MYRFL: variants seen among roughly 807,000 people sequenced by gnomAD.
The protein encoded by MYRFL is myelin regulatory factor-like protein.
A neutral mutation model predicts 109.4 loss-of-function variants in MYRFL; 88 were observed. The ratio of observed to expected loss-of-function variants is 0.80; its 90% CI spans 0.68 to 0.96. The LOEUF is 0.96. Among genes scored for constraint, MYRFL ranks in the 40% least tolerant of loss-of-function variants. MYRFL has a pLI of 0.00. For synonymous variants in MYRFL, 324 were observed against 320.9 expected (o/e 1.01, Z -0.10); for missense variants, 957 against 954.9 (o/e 1.00, Z -0.03).
At chr12:69,835,698 A>T (rs1490855941) in intron 1 of MYRFL, among the ~76,000 whole-genome samples, 1 of 152,192 alleles carries the variant, frequency 6.6e-6, no homozygotes, top group African/African-American at 2.4e-5. Context: ...TCTATTGATA[A>T]GTCTCATGAA....
intron 2 of MYRFL, among the ~76,000 whole-genome samples, chr12:69,859,112 G>C (rs1884481784): frequency 6.6e-6 from 1 of 151,878 alleles, no homozygotes; most frequent in South Asian, 2.1e-4. Context: ...TTTGACTCAT[G>C]GGTTGCTGGA....
intron 5 of MYRFL, among the ~76,000 whole-genome samples, chr12:69,883,137 G>C (rs905773838): frequency 5.9e-5 from 9 of 152,188 alleles, no homozygotes; most frequent in Admixed American, 5.2e-4. Flanking sequence ...CCTCAATCTA[G>C]CATGAAGCGA....
At position 69,909,177 on chromosome 12, in the gene MYRFL, T is replaced by C. The variant is rs139884585; in HGVS notation, c.1384-792T>C. ...ATGAATGATGGCAGTAAGCTCAGAA[T>C]TATACTCTGGAATAACTTCCTGAAA... On this transcript the variant is annotated intron_variant, in intron 11 of 24. Transcript: ENST00000552032. Among the ~76,000 whole-genome samples, 731 of 152,326 alleles carry C rather than the reference T, an allele frequency of 4.8e-3. 4 individuals are homozygous for C. Among genetic ancestry groups the C allele is most frequent in the South Asian group, 6.4e-3 (31 of 4,824 alleles).
At chr12:69,957,677 G>C in intron 22 of MYRFL, 145 bp from the exon 23 acceptor site, 1 of 956,664 alleles carries the variant, frequency 1.0e-6, no homozygotes, top group Non-Finnish European at 1.5e-6. Context: ...GCATCGGTGA[G>C]CTTTGTGTGA....
intron 13 of MYRFL, among the ~76,000 whole-genome samples, chr12:69,914,797 C>A (rs1152977): frequency 6.6e-6 from 1 of 152,000 alleles, no homozygotes; most frequent in Non-Finnish European, 1.5e-5. Context: ...GCCAAGGCAG[C>A]ACTCAGTTTA....
chr12:69,881,749 A>G (rs2136333844), intron 5 of MYRFL, among the ~76,000 whole-genome samples: 1 of 152,274 alleles, frequency 6.6e-6, no homozygotes. Flanking sequence ...GCAGTTGTTC[A>G]CCATTTTTTT....
chr12:69,923,280 A>G (rs1049478263), intron 13 of MYRFL, among the ~76,000 whole-genome samples: 3 of 152,160 alleles, frequency 2.0e-5, no homozygotes, highest in Non-Finnish European at 4.4e-5. Context: ...GACATATCTT[A>G]CCCCAAATCT....
intron 2 of MYRFL, among the ~76,000 whole-genome samples, chr12:69,868,870 G>A (rs551427342): frequency 4.0e-5 from 6 of 151,860 alleles, no homozygotes; most frequent in African/African-American, 1.2e-4. Flanking sequence ...GCACACACAC[G>A]CGCACACACA....
intron 10 of MYRFL, among the ~76,000 whole-genome samples, chr12:69,901,618 G>A (rs1293713518): frequency 2.0e-5 from 3 of 152,008 alleles, no homozygotes; most frequent in Non-Finnish European, 2.9e-5. Flanking sequence ...GTCTTATTTT[G>A]TTTCCTTGAA....
chr12:69,882,109 G>T (rs538999361), intron 5 of MYRFL, among the ~76,000 whole-genome samples: 13 of 152,270 alleles, frequency 8.5e-5, no homozygotes, highest in East Asian at 3.9e-4. Flanking sequence ...GTCCCAGAAA[G>T]GTCATTGATT....
At chr12:69,881,893 G>A (rs1426137271) in intron 5 of MYRFL, among the ~76,000 whole-genome samples, 2 of 152,008 alleles carry the variant, frequency 1.3e-5, no homozygotes, top group African/African-American at 4.8e-5. Flanking sequence ...CTTTTTTTAT[G>A]ATTCTCAGAC....
At chr12:69,956,125 G>GT (rs1555168589) in intron 22 of MYRFL, among the ~76,000 whole-genome samples, 13 of 150,102 alleles carry the variant, frequency 8.7e-5, no homozygotes, top group East Asian at 3.9e-4. Flanking sequence ...TCCCAGGTTG[G>GT]TTTTTTTTTC....
intron 13 of MYRFL, among the ~76,000 whole-genome samples, chr12:69,918,901 A>G (rs1469179427): frequency 3.9e-5 from 6 of 152,216 alleles, no homozygotes; most frequent in Non-Finnish European, 7.3e-5. Flanking sequence ...GTAACAGCTT[A>G]AGAGACTGAC....
intron 8 of MYRFL, 57 bp from the exon 9 acceptor site, chr12:69,895,314 A>C: frequency 8.0e-7 from 1 of 1,252,664 alleles, no homozygotes; most frequent in Non-Finnish European, 1.1e-6. Flanking sequence ...AGATATGATC[A>C]GAGATTTGGT....
At chr12:69,863,236 C>T (rs933374644) in intron 2 of MYRFL, among the ~76,000 whole-genome samples, 1 of 152,068 alleles carries the variant, frequency 6.6e-6, no homozygotes, top group African/African-American at 2.4e-5. Flanking sequence ...CTCTGCCCGG[C>T]GTTGGTATCA....
Position 69,958,626 on chromosome 12 carries a change from T to G in MYRFL, c.*95T>G. 1.1e-6 allele frequency: 1 copy of G among 931,756 alleles called. No homozygotes were observed. Among genetic ancestry groups the G allele is most frequent in the South Asian group, 1.7e-5 (1 of 60,402 alleles). The allele number at this position is 931,756 out of a possible 1,614,324, so 57.7% of individuals were successfully genotyped here. The stretch of plus-strand genomic sequence containing the variant: ...CTTGCAACTTCTTTTTTCTTCTTTG[T>G]AAAACATTTACGTTTATTGCTGAAG... On this transcript the variant is annotated 3_prime_UTR_variant, in exon 25 of 25. Coordinates refer to ENST00000552032, the MANE Select transcript of MYRFL (RefSeq NM_182530.3).
chr12:69,909,820 G>T, intron 11 of MYRFL, 149 bp from the exon 12 acceptor site: 2 of 627,496 alleles, frequency 3.2e-6, no homozygotes, highest in Non-Finnish European at 5.3e-6. Context: ...GCCAGCAGTT[G>T]GGTAATCCTG....
At chr12:69,863,854 A>C (rs1044191964) in intron 2 of MYRFL, among the ~76,000 whole-genome samples, 1 of 152,142 alleles carries the variant, frequency 6.6e-6, no homozygotes, top group Non-Finnish European at 1.5e-5. Context: ...AGATTTTCTT[A>C]GTTTTCTTCC....
rs556444658 is a variant in MYRFL at position 69,827,278 on chromosome 12, C to T, written c.46+1715C>T. ...AAATAATATATGTTTTCCTTATAAA[C>T]ATTTTTATATTAAAAATTATCTTGA... On this transcript the variant is annotated intron_variant, in intron 1 of 24. Coordinates refer to ENST00000552032, the MANE Select transcript of MYRFL (RefSeq NM_182530.3). Among the ~76,000 whole-genome samples the T allele has an allele frequency of 3.9e-5, 6 of 151,940 alleles. No individual in the cohort carries two copies. The East Asian group carries it at 7.7e-4, about 20-fold the overall frequency.
Sources: allele counts gnomAD v4.1 joint callset (sites outside exome capture counted in the v4.1 genomes callset), GRCh38; gene constraint gnomAD v4.1.1; transcripts MANE v1.5; gene names NCBI Gene and HGNC (gene_info 2026-07-23, HGNC 2026-07-21).